The following GSAP variants were observed in gnomAD, a reference collection of about 807,000 sequenced individuals.
The protein encoded by GSAP is gamma-secretase activating protein, also known as gamma-secretase-activating protein.
GSAP carries 118 observed loss-of-function variants against 131.7 expected under a neutral mutation model. The observed-to-expected ratio is 0.90, with a 90% CI of 0.77 to 1.04. The LOEUF is 1.04. Ranked by LOEUF, GSAP falls within the 50% of genes least tolerant of loss-of-function variation. The pLI is 0.00. For synonymous variants in GSAP, 381 were observed against 363.4 expected, an observed-to-expected ratio of 1.05 and a Z score of -0.55; for missense variants, 1,019 against 1,013.2, an observed-to-expected ratio of 1.01 and a Z score of -0.08.
intron 1 of GSAP, among the ~76,000 whole-genome samples, chr7:77,414,634 G>C (rs751261239): frequency 6.6e-6 from 1 of 152,032 alleles, no homozygotes; most frequent in Non-Finnish European, 1.5e-5. Context: ...GGTCCCAGTG[G>C]GTCACACACA....
intron 12 of GSAP, among the ~76,000 whole-genome samples, chr7:77,369,680 G>T (rs1210296607): frequency 6.6e-6 from 1 of 152,156 alleles, no homozygotes; most frequent in Non-Finnish European, 1.5e-5. Flanking sequence ...TGCCAGTGAA[G>T]AATTCAGCTT....
Position 77,353,632 on chromosome 7 carries a change from A to G in GSAP, c.1348T>C (p.Trp450Arg). The G allele has an allele frequency of 6.2e-7, 1 of 1,606,844 alleles. No individual in the cohort carries two copies. Among genetic ancestry groups the G allele is most frequent in the Admixed American group, 1.7e-5 (1 of 59,908 alleles). ...AQFLEAQIIQWISENVSACHS... is the reference protein window; with the variant it reads ...AQFLEAQIIQRISENVSACHS... Reference sequence around the variant, plus strand: ...CAGGCAGAGACATTCTCAGAAATCCACTGAATAATCTTTAAAAAGTCAGAC... The same window carrying G: ...CAGGCAGAGACATTCTCAGAAATCCGCTGAATAATCTTTAAAAAGTCAGAC... Residue 450 changes from tryptophan to arginine, a missense_variant, in exon 17 of 31, where the codon TGG becomes CGG. Coordinates refer to ENST00000257626, the MANE Select transcript of GSAP (RefSeq NM_017439.4).
intron 18 of GSAP, 83 bp downstream of exon 18, chr7:77,352,861 T>C (rs1031176994): frequency 5.3e-6 from 4 of 755,400 alleles, no homozygotes; most frequent in Admixed American, 2.2e-5. Flanking sequence ...ACGACCTTGA[T>C]GGCTATAAGA....
In GSAP at chr7:77,382,490, A is replaced by G. The variant is rs1797945079; in HGVS notation, c.526+84T>C. On this transcript the variant is annotated intron_variant, in intron 7 of 30. Coordinates refer to ENST00000257626, the MANE Select transcript of GSAP (RefSeq NM_017439.4). Reference sequence around the variant, plus strand: ...AGACCCTTGGCAATGGCAGGTGGATATCTAGAAGATTCAATCATGTACCAC... The same window carrying G: ...AGACCCTTGGCAATGGCAGGTGGATGTCTAGAAGATTCAATCATGTACCAC... The G allele has an allele frequency of 4.1e-6, 3 of 726,756 alleles. No individual in the cohort carries two copies. In the African/African-American group the frequency reaches 5.2e-5, roughly 13 times the overall value. The allele number at this position is 726,756 out of a possible 1,614,324, so 45.0% of individuals were successfully genotyped here.
In GSAP at chr7:77,362,458, G is replaced by C. The variant is rs541089757; in HGVS notation, c.949+125C>G. 2.7e-4 allele frequency: 170 copies of C among 619,292 alleles called. 2 individuals carry two copies. In the South Asian group the frequency reaches 3.5e-3, roughly 13 times the overall value. The allele number at this position is 619,292 out of a possible 1,614,324, so 38.4% of individuals were successfully genotyped here. A position where few individuals can be genotyped will look rare whatever the true frequency, so the allele number is the denominator to read the frequency against. On this transcript the variant is annotated intron_variant, in intron 13 of 30. Coordinates refer to ENST00000257626, the MANE Select transcript of GSAP (RefSeq NM_017439.4). The stretch of plus-strand genomic sequence containing the variant: ...GCAGTATTCATGCCACCGCATTCCA[G>C]CCTGGGTGACAAAGGGAGACCCTGT...
chr7:77,312,354 T>C (rs1794478948), intron 28 of GSAP, 152 bp from the exon 29 acceptor site: 4 of 540,746 alleles, frequency 7.4e-6, no homozygotes, highest in Non-Finnish European at 1.3e-5. Flanking sequence ...AGAAATGCCA[T>C]GTTCCTATGA....
chr7:77,330,426 C>G, intron 19 of GSAP, 59 bp from the exon 20 acceptor site: 1 of 1,589,146 alleles, frequency 6.3e-7, no homozygotes, highest in South Asian at 1.2e-5. Flanking sequence ...CCAAACCACC[C>G]AGTGAGTATT....
intron 26 of GSAP, among the ~76,000 whole-genome samples, chr7:77,319,990 T>C (rs1432475837): frequency 6.6e-6 from 1 of 151,364 alleles, no homozygotes; most frequent in Non-Finnish European, 1.5e-5. Flanking sequence ...CAATACTGTA[T>C]TGTGCATTTA....
chr7:77,355,787 G>GTTTTATTTT (rs1793607320), intron 14 of GSAP, 140 bp from the exon 15 acceptor site: 1 of 274,572 alleles, frequency 3.6e-6, no homozygotes, highest in Non-Finnish European at 6.5e-6. Flanking sequence ...ATGACAGCCC[G>GTTTTATTTT]TTTTTTTTTT....
chr7:77,383,025 A>G (rs1209565949), intron 6 of GSAP, among the ~76,000 whole-genome samples: 6 of 152,128 alleles, frequency 3.9e-5, no homozygotes, highest in African/African-American at 1.4e-4. Context: ...ATCTCTACAA[A>G]AAATACAAAA....
chr7:77,376,261 C>T (rs1796836450), intron 10 of GSAP, among the ~76,000 whole-genome samples: 1 of 152,220 alleles, frequency 6.6e-6, no homozygotes. Context: ...ACCAACCTGA[C>T]ACCTTCTACT....
intron 3 of GSAP, 107 bp from the exon 4 acceptor site, chr7:77,397,522 T>C: frequency 1.6e-6 from 1 of 613,162 alleles, no homozygotes; most frequent in Non-Finnish European, 2.9e-6. Context: ...TGGGGCAAAA[T>C]ATTTTGGTAA....
chr7:77,373,931 T>C (rs879084360), intron 12 of GSAP, 139 bp downstream of exon 12: 16 of 641,238 alleles, frequency 2.5e-5, no homozygotes, highest in South Asian at 2.1e-4. Context: ...GAAGATTTGA[T>C]ACATGACAAT....
At chr7:77,327,474 C>T (rs1408467245) in intron 22 of GSAP, 1 of 152,288 alleles carries the variant, frequency 6.6e-6, no homozygotes, top group Non-Finnish European at 1.5e-5. Context: ...GTCAGTGAGC[C>T]CAGGCTCTGT....
At position 77,311,469 on chromosome 7, in the gene GSAP, G is replaced by A. The variant is rs200450684; in HGVS notation, c.2474-20C>T. 9.5e-5 allele frequency: 135 copies of A among 1,417,334 alleles called. No homozygotes were observed. In the African/African-American group the frequency reaches 1.4e-3, roughly 14 times the overall value. The allele number at this position is 1,417,334 out of a possible 1,614,324, so 87.8% of individuals were successfully genotyped here. A position where few individuals can be genotyped will look rare whatever the true frequency, so the allele number is the denominator to read the frequency against. On this transcript the variant is annotated intron_variant, in intron 30 of 30. Transcript: ENST00000257626. ...ACAGGGCTGGAAAAAAATGGGGAGA[G>A]GGCAGGGAAAAAGGGTTACCATGGG...
rs1479946184 is a variant in GSAP, at chr7:77,362,483, T to C, written c.949+100A>G. On this transcript the variant is annotated intron_variant, in intron 13 of 30. Coordinates refer to ENST00000257626, the MANE Select transcript of GSAP (RefSeq NM_017439.4). ...GCCTGGGTGACAAAGGGAGACCCTG[T>C]CTCCAAAAAATTACTAATAACACTG... 4 of 663,338 alleles carry C rather than the reference T, an allele frequency of 6.0e-6. No individual in the cohort carries two copies. In the Admixed American group the frequency reaches 1.0e-4, roughly 17 times the overall value. The allele number at this position is 663,338 out of a possible 1,614,324, so 41.1% of individuals were successfully genotyped here.
At chr7:77,395,119 A>G (rs1484403106) in intron 5 of GSAP, among the ~76,000 whole-genome samples, 1 of 152,220 alleles carries the variant, frequency 6.6e-6, no homozygotes, top group Non-Finnish European at 1.5e-5. Context: ...AATCTACATA[A>G]TCATAAAGGA....
chr7:77,313,365 T>C, intron 28 of GSAP, 123 bp downstream of exon 28: 1 of 617,008 alleles, frequency 1.6e-6, no homozygotes, highest in Non-Finnish European at 2.9e-6. Flanking sequence ...CTTGGAAGTG[T>C]TGAAAAGTGA....
chr7:77,370,715 A>G (rs1363219595), intron 12 of GSAP, among the ~76,000 whole-genome samples: 1 of 152,160 alleles, frequency 6.6e-6, no homozygotes, highest in East Asian at 1.9e-4. Flanking sequence ...TCATGTCTAC[A>G]CATGCTGCTA....
Sources: gnomAD v4.1 joint callset for allele counts (sites outside exome capture counted in the v4.1 genomes callset) on GRCh38, gnomAD v4.1.1 for gene constraint, MANE v1.5 for transcripts, NCBI Gene and HGNC (gene_info 2026-07-23, HGNC 2026-07-21) for gene names.